Variants in EXOC4 observed in about 807,000 individuals in gnomAD.
EXOC4 encodes exocyst complex component 4.
Under a neutral mutation model 107.2 loss-of-function variants are expected in EXOC4, and 71 were observed. The ratio of observed to expected loss-of-function variants is 0.66; its 90% CI spans 0.55 to 0.81. The LOEUF (loss-of-function observed/expected upper bound fraction) is 0.81, where lower values mean the gene tolerates loss of function less well. EXOC4 is among the 30% of genes least tolerant of loss of function. EXOC4 has a pLI of 0.00. For synonymous variants in EXOC4, 456 were observed against 441.2 expected (o/e 1.03, Z -0.42); for missense variants, 1,108 against 1,189.6 (o/e 0.93, Z 1.01).
At chr7:133,524,875 T>G (rs1472384928) in intron 9 of EXOC4, among the ~76,000 whole-genome samples, 1 of 152,192 alleles carries the variant, frequency 6.6e-6, no homozygotes, top group African/African-American at 2.4e-5. Context: ...CTTAGTACTT[T>G]GAGTGTATCT....
At chr7:133,719,134 T>A (rs1460281273) in intron 10 of EXOC4, among the ~76,000 whole-genome samples, 1 of 152,186 alleles carries the variant, frequency 6.6e-6, no homozygotes, top group African/African-American at 2.4e-5. Flanking sequence ...CAGTAGTGAA[T>A]AAGTGTCACA....
intron 5 of EXOC4, among the ~76,000 whole-genome samples, chr7:133,321,455 G>A (rs1276861972): frequency 1.3e-5 from 2 of 152,016 alleles, no homozygotes; most frequent in Non-Finnish European, 2.9e-5. Flanking sequence ...GGTGTGTGAT[G>A]TTCCTCTCCT....
At chr7:133,304,754 T>C (rs1230675084) in intron 3 of EXOC4, among the ~76,000 whole-genome samples, 1 of 152,218 alleles carries the variant, frequency 6.6e-6, no homozygotes, top group Non-Finnish European at 1.5e-5. Flanking sequence ...GTTCATTCTT[T>C]AGGAGCGTGT....
intron 6 of EXOC4, among the ~76,000 whole-genome samples, chr7:133,360,946 A>G (rs1167161163): frequency 6.6e-6 from 1 of 152,138 alleles, no homozygotes; most frequent in Non-Finnish European, 1.5e-5. Context: ...ATCTTTATAT[A>G]TATTTGGTTA....
chr7:133,638,057 A>G (rs1403685157), intron 10 of EXOC4, among the ~76,000 whole-genome samples: 3 of 152,158 alleles, frequency 2.0e-5, no homozygotes, highest in Non-Finnish European at 2.9e-5. Context: ...AGTGAAAAAC[A>G]GAGGAGAAAC....
intron 1 of EXOC4, among the ~76,000 whole-genome samples, chr7:133,271,037 G>A (rs1379389207): frequency 6.6e-6 from 1 of 151,208 alleles, no homozygotes; most frequent in African/African-American, 2.4e-5. Flanking sequence ...TCTTGCCTCA[G>A]CCTCCCGAAT....
At chr7:133,971,809 C>T (rs1801246085) in intron 14 of EXOC4, among the ~76,000 whole-genome samples, 1 of 152,178 alleles carries the variant, frequency 6.6e-6, no homozygotes, top group Non-Finnish European at 1.5e-5. Flanking sequence ...TCACCAGTGG[C>T]AGTCTGCACT....
chr7:133,813,505 A>G (rs1387535849), intron 10 of EXOC4, among the ~76,000 whole-genome samples: 13 of 152,178 alleles, frequency 8.5e-5, no homozygotes, highest in Non-Finnish European at 1.5e-5. Flanking sequence ...TTCTTTTGGA[A>G]GGCAACCAAG....
chr7:133,956,904 C>G (rs1292209512), intron 14 of EXOC4, among the ~76,000 whole-genome samples: 1 of 152,094 alleles, frequency 6.6e-6, no homozygotes, highest in Non-Finnish European at 1.5e-5. Context: ...TATAATTAAT[C>G]ACTTTGGCCT....
At chr7:134,044,616 G>A (rs146317426) in intron 17 of EXOC4, among the ~76,000 whole-genome samples, 6 of 143,350 alleles carry the variant, frequency 4.2e-5, no homozygotes, top group African/African-American at 1.6e-4. Context: ...ATAAAGATCT[G>A]AAGGTCCACT....
chr7:134,053,659 G>C (rs994854751), intron 17 of EXOC4, among the ~76,000 whole-genome samples: 1 of 151,326 alleles, frequency 6.6e-6, no homozygotes, highest in Non-Finnish European at 1.5e-5. Flanking sequence ...CTCATTTAAA[G>C]GACAAAGCTT....
intron 17 of EXOC4, among the ~76,000 whole-genome samples, chr7:134,054,929 T>C (rs1438667488): frequency 6.6e-6 from 1 of 152,228 alleles, no homozygotes; most frequent in Non-Finnish European, 1.5e-5. Context: ...ATTTTTCTAA[T>C]TGACATCTGT....
chr7:133,492,802 A>C (rs1799396947), intron 9 of EXOC4, among the ~76,000 whole-genome samples: 1 of 152,004 alleles, frequency 6.6e-6, no homozygotes, highest in South Asian at 2.1e-4. Context: ...ACTTGCTCTG[A>C]CTTTGTGCAA....
chr7:133,878,020 A>G (rs531250205), intron 11 of EXOC4, among the ~76,000 whole-genome samples: 7 of 152,256 alleles, frequency 4.6e-5, no homozygotes, highest in South Asian at 2.1e-4. Flanking sequence ...ACTGTTTCCT[A>G]TATTTTGTCT....
At chr7:133,493,591 G>A (rs1799417808) in intron 9 of EXOC4, among the ~76,000 whole-genome samples, 1 of 152,108 alleles carries the variant, frequency 6.6e-6, no homozygotes, top group Admixed American at 6.5e-5. Flanking sequence ...GAACCAATAA[G>A]CCTGTTAGTG....
intron 17 of EXOC4, among the ~76,000 whole-genome samples, chr7:134,050,639 T>G (rs1395049066): frequency 6.6e-6 from 1 of 152,154 alleles, no homozygotes; most frequent in East Asian, 1.9e-4. Context: ...TCTAGATACT[T>G]AGAGCCAAAA....
At chr7:134,028,482 G>C (rs951513295) in intron 17 of EXOC4, among the ~76,000 whole-genome samples, 1 of 152,200 alleles carries the variant, frequency 6.6e-6, no homozygotes, top group Non-Finnish European at 1.5e-5. Context: ...GCAATTATGT[G>C]AGAATAACAT....
rs543490622 is a variant in EXOC4, at chr7:133,863,487, C to T, written c.1735-32112C>T. 3.9e-5 allele frequency among the ~76,000 whole-genome samples: 6 copies of T among 152,208 alleles called. No homozygotes were observed. In the South Asian group the frequency reaches 1.2e-3, roughly 32 times the overall value. ...TATTTCATTATATAAAGTTCAAAAA[C>T]AGGTCAAAGGAATCACAGGGATAGA... On this transcript the variant is annotated intron_variant, in intron 11 of 17. Transcript: ENST00000253861.
intron 7 of EXOC4, among the ~76,000 whole-genome samples, chr7:133,421,017 G>A (rs1401061024): frequency 6.6e-6 from 1 of 151,750 alleles, no homozygotes; most frequent in Non-Finnish European, 1.5e-5. Context: ...GATGATAGGG[G>A]TTGGTGTAAA....
Sources: gnomAD v4.1 joint callset for allele counts (sites outside exome capture counted in the v4.1 genomes callset) on GRCh38, gnomAD v4.1.1 for gene constraint, MANE v1.5 for transcripts, NCBI Gene and HGNC (gene_info 2026-07-23, HGNC 2026-07-21) for gene names.